Variants in ANKFN1 observed in about 807,000 individuals in gnomAD.
The protein encoded by ANKFN1 is ankyrin repeat and fibronectin type-III domain-containing protein 1.
ANKFN1 carries 74 observed loss-of-function variants against 108.7 expected under a neutral mutation model. The observed-to-expected ratio is 0.68, with a 90% CI of 0.56 to 0.83. ANKFN1 has a LOEUF of 0.83. ANKFN1 is among the 40% of genes least tolerant of loss of function. The pLI is 0.00. For missense variants in ANKFN1, 1,505 were observed against 1,382.3 expected (o/e 1.09, Z -1.41); for synonymous variants, 547 against 516.2 (o/e 1.06, Z -0.81).
intron 8 of ANKFN1, among the ~76,000 whole-genome samples, chr17:56,393,771 C>T (rs2047502838): frequency 6.6e-6 from 1 of 152,184 alleles, no homozygotes; most frequent in Non-Finnish European, 1.5e-5. Context: ...ATTCACCCAT[C>T]ATTCAACAAG....
At chr17:56,216,550 G>A (rs1598255870) in intron 2 of ANKFN1, among the ~76,000 whole-genome samples, 1 of 152,212 alleles carries the variant, frequency 6.6e-6, no homozygotes, top group Non-Finnish European at 1.5e-5. Context: ...TTCTAACAGG[G>A]TTATTACATT....
rs149124540 is a variant in ANKFN1 at position 56,096,533 on chromosome 17, G to C, written c.288+50208G>C. 3.1e-3 allele frequency among the ~76,000 whole-genome samples: 467 copies of C among 152,148 alleles called. 3 individuals are homozygous for C. Among genetic ancestry groups the C allele is most frequent in the Non-Finnish European group, 4.2e-3 (283 of 68,010 alleles). ...GTAGTAAATCTTTACTGATGGTTTA[G>C]GATAATGGAAGAGGAACAACAGAAA... is the stretch of plus-strand genomic sequence containing the variant. On this transcript the variant is annotated intron_variant, in intron 4 of 12. Coordinates refer to the ANKFN1 transcript ENST00000635860.
chr17:56,086,537 A>G (rs1485844559), intron 4 of ANKFN1, among the ~76,000 whole-genome samples: 1 of 151,394 alleles, frequency 6.6e-6, no homozygotes, highest in South Asian at 2.1e-4. Context: ...TTGTCAGTGC[A>G]TTTTCAGGTT....
intron 4 of ANKFN1, among the ~76,000 whole-genome samples, chr17:56,056,273 T>C (rs1363625644): frequency 1.3e-5 from 2 of 151,964 alleles, no homozygotes; most frequent in African/African-American, 2.4e-5. Flanking sequence ...ATTAACACAA[T>C]CTTTGTCAAA....
intron 3 of ANKFN1, among the ~76,000 whole-genome samples, chr17:56,267,939 C>T (rs1035398398): frequency 2.6e-5 from 4 of 151,938 alleles, no homozygotes; most frequent in African/African-American, 9.7e-5. Context: ...AAAATATTGG[C>T]ATTTTGATAG....
At chr17:56,176,820 C>T (rs1463804724) in intron 1 of ANKFN1, among the ~76,000 whole-genome samples, 1 of 152,152 alleles carries the variant, frequency 6.6e-6, no homozygotes, top group Non-Finnish European at 1.5e-5. Context: ...TTCTATTTTT[C>T]CTGTAATGTC....
intron 16 of ANKFN1, among the ~76,000 whole-genome samples, chr17:56,479,072 A>G (rs1232190166): frequency 1.3e-5 from 2 of 152,216 alleles, no homozygotes; most frequent in Non-Finnish European, 2.9e-5. Context: ...TTATCGCCTC[A>G]GTCCTTCCCA....
intron 1 of ANKFN1, among the ~76,000 whole-genome samples, chr17:56,176,699 G>A (rs1911189441): frequency 1.3e-5 from 2 of 152,154 alleles, no homozygotes; most frequent in South Asian, 4.1e-4. Context: ...CTTGAACTAG[G>A]TCACCTGTCT....
chr17:56,275,216 A>G (rs1174811725), intron 3 of ANKFN1, among the ~76,000 whole-genome samples: 1 of 152,196 alleles, frequency 6.6e-6, no homozygotes, highest in Non-Finnish European at 1.5e-5. Context: ...CAGATAAATT[A>G]AGAAAGGCCA....
chr17:56,387,799 A>G (rs1203631558), intron 8 of ANKFN1, among the ~76,000 whole-genome samples: 3 of 152,090 alleles, frequency 2.0e-5, no homozygotes, highest in Admixed American at 1.3e-4. Context: ...TTCTTCTTCT[A>G]TGTTTCCATT....
chr17:56,441,068 A>G (rs2049086737), intron 9 of ANKFN1, among the ~76,000 whole-genome samples: 1 of 152,182 alleles, frequency 6.6e-6, no homozygotes, highest in African/African-American at 2.4e-5. Context: ...ATATGAGCAT[A>G]TGAAATGCAA....
In ANKFN1 at chr17:56,467,798, GAAAGAAAGAAAGAAAGAAA is replaced by G. The variant is rs2050159360; in HGVS notation, c.1773+1228_1773+1246del. On this transcript the variant is annotated intron_variant, in intron 15 of 20. Coordinates refer to ENST00000682825, the MANE Select transcript of ANKFN1 (RefSeq NM_001370326.1). Reference sequence around the variant, plus strand: ...AAGAAAGAAAGAAAGAAAGAAGAAAGAAAGAAAGAAAGAAAGAAAGAAAGAAAGAAAGAAAGAAAGAAAG... The same window carrying G: ...AAGAAAGAAAGAAAGAAAGAAGAAAGGAAAGAAAGAAAGAAAGAAAGAAAG... Among the ~76,000 whole-genome samples, 3 of 30,904 alleles carry G rather than the reference GAAAGAAAGAAAGAAAGAAA, an allele frequency of 9.7e-5. No individual in the cohort carries two copies. In the East Asian group the frequency reaches 0.011, roughly 116 times the overall value. The allele number at this position is 30,904 out of a possible 152,430, so 20.3% of individuals were successfully genotyped here. A position where few individuals can be genotyped will look rare whatever the true frequency, so the allele number is the denominator to read the frequency against.
intron 4 of ANKFN1, among the ~76,000 whole-genome samples, chr17:56,065,165 G>A (rs955887885): frequency 1.3e-5 from 2 of 152,102 alleles, no homozygotes; most frequent in African/African-American, 2.4e-5. Context: ...GACCATCTTG[G>A]CCCTGCACCT....
At chr17:56,446,331 A>C (rs968557175) in intron 10 of ANKFN1, among the ~76,000 whole-genome samples, 1 of 152,164 alleles carries the variant, frequency 6.6e-6, no homozygotes, top group African/African-American at 2.4e-5. Flanking sequence ...TTATCTTATC[A>C]TGAGCACTTC....
At chr17:56,311,268 C>G (rs899984860) in intron 3 of ANKFN1, among the ~76,000 whole-genome samples, 1 of 152,114 alleles carries the variant, frequency 6.6e-6, no homozygotes, top group Non-Finnish European at 1.5e-5. Context: ...ACCTACTAGC[C>G]ATGAGACTTG....
rs1038287915 is a variant in ANKFN1 at position 56,500,451 on chromosome 17, C to T, written c.2644+1353C>T. Reference sequence around the variant, plus strand: ...TGCATTTTTATAGACTGCCACTGGGCTAGAGATACAAATCAAATATCATCT... The same window carrying T: ...TGCATTTTTATAGACTGCCACTGGGTTAGAGATACAAATCAAATATCATCT... On this transcript the variant is annotated intron_variant, in intron 20 of 20. Transcript: ENST00000682825. 2.0e-5 allele frequency among the ~76,000 whole-genome samples: 3 copies of T among 152,078 alleles called. No homozygotes were observed. In the East Asian group the frequency reaches 5.8e-4, roughly 29 times the overall value.
chr17:56,271,221 C>T (rs2144180786), intron 3 of ANKFN1, among the ~76,000 whole-genome samples: 1 of 152,230 alleles, frequency 6.6e-6, no homozygotes, highest in African/African-American at 2.4e-5. Context: ...GTTGCCCAGG[C>T]TGGTGTTGAA....
At chr17:56,391,468 C>G (rs2047437587) in intron 8 of ANKFN1, among the ~76,000 whole-genome samples, 1 of 148,538 alleles carries the variant, frequency 6.7e-6, no homozygotes, top group Non-Finnish European at 1.5e-5. Flanking sequence ...GCTCTGTCAC[C>G]CAGGCTGGAG....
intron 6 of ANKFN1, among the ~76,000 whole-genome samples, chr17:56,363,110 G>C (rs1159228493): frequency 6.6e-6 from 1 of 152,056 alleles, no homozygotes; most frequent in Non-Finnish European, 1.5e-5. Context: ...TGTAATCCCA[G>C]CTACTCGGGA....
Sources: allele counts gnomAD v4.1 joint callset (sites outside exome capture counted in the v4.1 genomes callset), GRCh38; gene constraint gnomAD v4.1.1; transcripts MANE v1.5; gene names NCBI Gene and HGNC (gene_info 2026-07-23, HGNC 2026-07-21).